The following PAQR5 variants were observed in gnomAD, a reference collection of about 807,000 sequenced individuals.
The protein encoded by PAQR5 is progestin and adipoQ receptor family member 5, also known as membrane progestin receptor gamma.
PAQR5 carries 20 observed loss-of-function variants against 34.5 expected under a neutral mutation model. The ratio of observed to expected loss-of-function variants is 0.58; its 90% CI spans 0.41 to 0.84. PAQR5 has a LOEUF of 0.84. Ranked by LOEUF, PAQR5 falls within the 40% of genes least tolerant of loss-of-function variation. The probability of loss-of-function intolerance (pLI) is 0.00; values close to 1 mark genes in which losing one functional copy is unlikely to be tolerated. For missense variants in PAQR5, 378 were observed against 412.7 expected (o/e 0.92, Z 0.73); for synonymous variants, 131 against 155.6 (o/e 0.84, Z 1.18).
At chr15:69,333,963 A>G (rs2054450767) in intron 1 of PAQR5, among the ~76,000 whole-genome samples, 2 of 152,240 alleles carry the variant, frequency 1.3e-5, no homozygotes, top group Non-Finnish European at 2.9e-5. Flanking sequence ...ATATTTTATC[A>G]GAAAAATAGA....
At chr15:69,333,845 G>T (rs902204150) in intron 1 of PAQR5, among the ~76,000 whole-genome samples, 3 of 152,052 alleles carry the variant, frequency 2.0e-5, no homozygotes, top group Non-Finnish European at 4.4e-5. Context: ...TACAAGTGCT[G>T]AATCTTCTGT....
At chr15:69,397,616 G>A (rs771529583) in intron 7 of PAQR5, 52 bp downstream of exon 7, 11 of 1,218,886 alleles carry the variant, frequency 9.0e-6, no homozygotes, top group Admixed American at 6.7e-5. Flanking sequence ...CAGGAAGTCA[G>A]TTGTTTTCCT....
At chr15:69,340,819 G>C (rs1000656732) in intron 2 of PAQR5, among the ~76,000 whole-genome samples, 111 of 152,274 alleles carry the variant, frequency 7.3e-4, no homozygotes, top group African/African-American at 2.6e-3. Context: ...TAGGAAGAAG[G>C]GTGGATTGAA....
At chr15:69,344,064 A>T (rs1403026637) in intron 2 of PAQR5, among the ~76,000 whole-genome samples, 1 of 152,006 alleles carries the variant, frequency 6.6e-6, no homozygotes, top group Non-Finnish European at 1.5e-5. Flanking sequence ...GAACTCCCGG[A>T]CTCAAGCAAT....
chr15:69,331,912 T>C lies in PAQR5; in HGVS notation c.-276-5429T>C, dbSNP rs151302236. 4.9e-3 allele frequency among the ~76,000 whole-genome samples: 741 copies of C among 152,294 alleles called. 14 individuals carry two copies. Among genetic ancestry groups the C allele is most frequent in the African/African-American group, 0.017 (690 of 41,560 alleles). On this transcript the variant is annotated intron_variant, in intron 1 of 8. Coordinates refer to ENST00000395407, the MANE Select transcript of PAQR5 (RefSeq NM_017705.4). ...ATGGTTCCATAAAACAGTAAAGTGG[T>C]TTATTTTTTCTCTTGTAAGTGGCTT...
At chr15:69,355,719 C>T (rs950846430) in intron 2 of PAQR5, among the ~76,000 whole-genome samples, 7 of 152,074 alleles carry the variant, frequency 4.6e-5, no homozygotes, top group African/African-American at 1.4e-4. Context: ...TTGTGCCCGG[C>T]CTGTCCTATT....
rs12591092 is a variant in PAQR5 at position 69,322,790 on chromosome 15, G to T, written c.-276-14551G>T. 8.4e-3 allele frequency among the ~76,000 whole-genome samples: 109 copies of T among 13,028 alleles called. 10 individuals are homozygous for T. In the Middle Eastern group the frequency reaches 0.12, roughly 15 times the overall value. The allele number at this position is 13,028 out of a possible 152,430, so 8.5% of individuals were successfully genotyped here. A position where few individuals can be genotyped will look rare whatever the true frequency, so the allele number is the denominator to read the frequency against. On this transcript the variant is annotated intron_variant, in intron 1 of 8. Coordinates refer to ENST00000395407, the MANE Select transcript of PAQR5 (RefSeq NM_017705.4). ...AAGAAGAGGGAGAAGAAGAAGACGA[G>T]GAAGAAGAAGAAGAGGAAGAGGAAG...
At chr15:69,355,732 T>C (rs1024389668) in intron 2 of PAQR5, among the ~76,000 whole-genome samples, 6 of 152,126 alleles carry the variant, frequency 3.9e-5, no homozygotes, top group Admixed American at 3.3e-4. Context: ...GTCCTATTTC[T>C]TTATTTATTT....
At chr15:69,299,510 G>A (rs2053476765) in intron 1 of PAQR5, among the ~76,000 whole-genome samples, 1 of 152,208 alleles carries the variant, frequency 6.6e-6, no homozygotes, top group African/African-American at 2.4e-5. Flanking sequence ...TGTGAGCCTG[G>A]GCTGAGCAGG....
rs12912900 is a variant in PAQR5, at chr15:69,322,180, A to T, written c.-276-15161A>T. Reference sequence around the variant, plus strand: ...ATTTCTAAAAAAAAAAAAAAAAAAAATTAAAAACTAGCCAGGGCCGGGTGC... The same window carrying T: ...ATTTCTAAAAAAAAAAAAAAAAAAATTTAAAAACTAGCCAGGGCCGGGTGC... On this transcript the variant is annotated intron_variant, in intron 1 of 8. Coordinates refer to ENST00000395407, the MANE Select transcript of PAQR5 (RefSeq NM_017705.4). Among the ~76,000 whole-genome samples the T allele has an allele frequency of 4.1e-4, 53 of 130,146 alleles. 4 individuals are homozygous for T. Among genetic ancestry groups the T allele is most frequent in the Admixed American group, 7.7e-4 (10 of 12,966 alleles). The allele number at this position is 130,146 out of a possible 152,430, so 85.4% of individuals were successfully genotyped here. A position where few individuals can be genotyped will look rare whatever the true frequency, so the allele number is the denominator to read the frequency against.
intron 3 of PAQR5, among the ~76,000 whole-genome samples, chr15:69,368,316 G>A (rs912168869): frequency 6.6e-6 from 1 of 152,240 alleles, no homozygotes; most frequent in African/African-American, 2.4e-5. Flanking sequence ...GCCTCCCAAA[G>A]TGCTGGGATT....
chr15:69,355,324 CTT>C (rs1262943797), intron 2 of PAQR5, among the ~76,000 whole-genome samples: 1 of 38,894 alleles, frequency 2.6e-5, no homozygotes, highest in Non-Finnish European at 4.8e-5. Context: ...TTCTTTCTTT[CTT>C]TCTTTCTTTC....
intron 3 of PAQR5, among the ~76,000 whole-genome samples, chr15:69,364,325 G>A (rs1183705469): frequency 6.6e-6 from 1 of 151,658 alleles, no homozygotes; most frequent in Non-Finnish European, 1.5e-5. Flanking sequence ...AAATATGATA[G>A]AAGCAGGGCT....
intron 4 of PAQR5, among the ~76,000 whole-genome samples, chr15:69,381,122 C>T (rs886193862): frequency 6.6e-6 from 1 of 152,234 alleles, no homozygotes; most frequent in African/African-American, 2.4e-5. Flanking sequence ...GGTGGCAGCA[C>T]AGCCCTGCTC....
chr15:69,348,456 G>A (rs1466017952), intron 2 of PAQR5, among the ~76,000 whole-genome samples: 3 of 152,170 alleles, frequency 2.0e-5, no homozygotes, highest in Admixed American at 2.0e-4. Context: ...TGCTTTGCTG[G>A]GATTTCTCAG....
rs548863050 is a variant in PAQR5, at chr15:69,323,635, G to A, written c.-276-13706G>A. On this transcript the variant is annotated intron_variant, in intron 1 of 8. Coordinates refer to ENST00000395407, the MANE Select transcript of PAQR5 (RefSeq NM_017705.4). ...CATTCATTTATTTTCTTCTAATAGC[G>A]TTGCGTTAAATGAAAGAAAGAAAAA... 6.6e-4 allele frequency among the ~76,000 whole-genome samples: 101 copies of A among 152,166 alleles called. 2 individuals are homozygous for A. Among genetic ancestry groups the A allele is most frequent in the Non-Finnish European group, 9.7e-4 (66 of 68,010 alleles).
At chr15:69,312,322 G>A (rs1269975444) in intron 1 of PAQR5, among the ~76,000 whole-genome samples, 1 of 152,014 alleles carries the variant, frequency 6.6e-6, no homozygotes. Context: ...CCTTCTGGGG[G>A]CTCAGAGTGG....
chr15:69,396,958 T>C (rs2140246075), intron 6 of PAQR5: 2 of 346,660 alleles, frequency 5.8e-6, no homozygotes, highest in African/African-American at 2.1e-5. Context: ...GTGTGTGGTA[T>C]AAATATTCCA....
intron 3 of PAQR5, among the ~76,000 whole-genome samples, chr15:69,364,524 A>ATATATACATTATATATGT (rs2055336115): frequency 2.2e-5 from 3 of 137,874 alleles, no homozygotes; most frequent in African/African-American, 7.8e-5. Context: ...TATATATGTA[A>ATATATACATTATATATGT]TATATATACA....
Sources: gnomAD v4.1 joint callset for allele counts (sites outside exome capture counted in the v4.1 genomes callset) on GRCh38, gnomAD v4.1.1 for gene constraint, MANE v1.5 for transcripts, NCBI Gene and HGNC (gene_info 2026-07-23, HGNC 2026-07-21) for gene names.